The following RNF11 variants were observed in gnomAD, a reference collection of about 807,000 sequenced individuals.
RNF11 encodes ring finger protein 11.
In RNF11, 4 loss-of-function variants were observed where a neutral mutation model predicts 15.8. The observed-to-expected ratio is 0.25, with a 90% CI of 0.12 to 0.58. RNF11 has a LOEUF of 0.58. Among genes scored for constraint, RNF11 ranks in the 20% least tolerant of loss-of-function variants. RNF11 has a pLI of 0.91. For synonymous variants in RNF11, 68 were observed against 72.3 expected (o/e 0.94, Z 0.30); for missense variants, 139 against 194.4 (o/e 0.71, Z 1.70).
chr1:51,240,885 T>A (rs1014502364), intron 1 of RNF11, among the ~76,000 whole-genome samples: 2 of 152,182 alleles, frequency 1.3e-5, no homozygotes, highest in Non-Finnish European at 2.9e-5. Flanking sequence ...TAGAGTGCAG[T>A]GGTGTCATCT....
intron 1 of RNF11, among the ~76,000 whole-genome samples, chr1:51,241,650 G>A (rs1393857182): frequency 6.6e-6 from 1 of 152,174 alleles, no homozygotes; most frequent in African/African-American, 2.4e-5. Context: ...AAGAGATTTA[G>A]GGTGTTTGTC....
At chr1:51,256,702 C>T (rs1220804109) in intron 1 of RNF11, among the ~76,000 whole-genome samples, 1 of 152,064 alleles carries the variant, frequency 6.6e-6, no homozygotes, top group Non-Finnish European at 1.5e-5. Flanking sequence ...GAGATGGAGT[C>T]TCGCTGTCAC....
intron 1 of RNF11, among the ~76,000 whole-genome samples, chr1:51,266,880 T>C (rs1160549068): frequency 6.6e-6 from 1 of 152,252 alleles, no homozygotes; most frequent in Non-Finnish European, 1.5e-5. Flanking sequence ...GAGTCCCAAC[T>C]GTGTGCCAGA....
intron 1 of RNF11, chr1:51,250,550 T>G: frequency 3.9e-6 from 1 of 257,656 alleles, no homozygotes; most frequent in South Asian, 6.7e-5. Flanking sequence ...TTTGTGACAA[T>G]TTTTTTTTTT....
chr1:51,257,145 C>T (rs72898403), intron 1 of RNF11, among the ~76,000 whole-genome samples: 3,198 of 152,224 alleles, frequency 0.021, 94 homozygotes, highest in African/African-American at 0.065. Flanking sequence ...CTCCCACCCA[C>T]CTTATCTGGG....
intron 1 of RNF11, among the ~76,000 whole-genome samples, chr1:51,256,859 A>G (rs1421995393): frequency 6.6e-6 from 1 of 152,064 alleles, no homozygotes; most frequent in Non-Finnish European, 1.5e-5. Flanking sequence ...TTTTTAGTAG[A>G]GACGGGGTTT....
chr1:51,260,822 G>C (rs926181526), intron 1 of RNF11, among the ~76,000 whole-genome samples: 4 of 152,170 alleles, frequency 2.6e-5, no homozygotes, highest in African/African-American at 9.7e-5. Context: ...ACTCCCAATA[G>C]AGAGATCCCA....
chr1:51,253,381 G>A (rs971610007), intron 1 of RNF11, among the ~76,000 whole-genome samples: 2 of 151,912 alleles, frequency 1.3e-5, no homozygotes, highest in Admixed American at 1.3e-4. Flanking sequence ...AAAAAAGTTA[G>A]GTGTGGTGGC....
Position 51,236,753 on chromosome 1 carries a change from G to A in RNF11, c.-4G>A. 6.2e-7 allele frequency: 1 copy of A among 1,613,070 alleles called. No individual in the cohort carries two copies. Among genetic ancestry groups the A allele is most frequent in the South Asian group, 1.1e-5 (1 of 90,996 alleles). On this transcript the variant is annotated 5_prime_UTR_variant, in exon 1 of 3. Transcript: ENST00000242719. Reference sequence around the variant, plus strand: ...CCCCAGATCACGCACCCCAGCTCCGGAAGATGGGGAACTGCCTCAAATCCC... The same window carrying A: ...CCCCAGATCACGCACCCCAGCTCCGAAAGATGGGGAACTGCCTCAAATCCC...
In RNF11 at chr1:51,270,000, T is replaced by C. The variant is rs766522602; in HGVS notation, c.168T>C (p.Thr56=). The C allele has an allele frequency of 1.2e-6, 2 of 1,613,590 alleles. No individual in the cohort carries two copies. Among genetic ancestry groups the C allele is most frequent in the Non-Finnish European group, 1.7e-6 (2 of 1,179,770 alleles). ...VPVYHPTPSQ[T]RLATQLTEEE... ...TCTACCACCCAACACCTAGCCAGAC[T>C]CGGCTAGCAACTCAGCTGACTGAAG... is the stretch of plus-strand genomic sequence containing the variant. The change falls in exon 2 of 3, where the codon ACT becomes ACC. Residue 56 remains threonine (T), a synonymous_variant. Transcript: ENST00000242719.
intron 1 of RNF11, among the ~76,000 whole-genome samples, chr1:51,261,898 C>T (rs911988442): frequency 6.6e-6 from 1 of 152,058 alleles, no homozygotes; most frequent in Non-Finnish European, 1.5e-5. Context: ...GTTGCTATGG[C>T]TCATGCCTGT....
intron 1 of RNF11, among the ~76,000 whole-genome samples, chr1:51,252,357 G>T (rs1646883775): frequency 6.6e-6 from 1 of 152,096 alleles, no homozygotes; most frequent in Non-Finnish European, 1.5e-5. Flanking sequence ...CTAGGTATAT[G>T]TCTTGGGAAG....
chr1:51,258,803 T>G (rs1004360479), intron 1 of RNF11, among the ~76,000 whole-genome samples: 2 of 152,202 alleles, frequency 1.3e-5, no homozygotes, highest in African/African-American at 4.8e-5. Context: ...TGTCTAACGT[T>G]TCTCTCTTGA....
chr1:51,241,854 A>G (rs1450442328), intron 1 of RNF11, among the ~76,000 whole-genome samples: 1 of 152,224 alleles, frequency 6.6e-6, no homozygotes, highest in East Asian at 1.9e-4. Flanking sequence ...CCCAGCCCTG[A>G]AAGGCATATG....
chr1:51,254,964 T>G (rs182216171), intron 1 of RNF11, among the ~76,000 whole-genome samples: 57 of 152,350 alleles, frequency 3.7e-4, no homozygotes, highest in South Asian at 1.2e-3. Context: ...TCCAATTTTC[T>G]TTTCATTATA....
At chr1:51,256,423 A>G (rs1646904713) in intron 1 of RNF11, among the ~76,000 whole-genome samples, 1 of 152,218 alleles carries the variant, frequency 6.6e-6, no homozygotes, top group Non-Finnish European at 1.5e-5. Context: ...GCTGAATAAC[A>G]TTCCATTTGC....
At chr1:51,238,160 G>C (rs886769740) in intron 1 of RNF11, among the ~76,000 whole-genome samples, 2 of 152,014 alleles carry the variant, frequency 1.3e-5, no homozygotes, top group Non-Finnish European at 2.9e-5. Context: ...GGAGCCCTTC[G>C]CCCGGGTCAG....
chr1:51,267,760 T>G (rs996704709), intron 1 of RNF11, among the ~76,000 whole-genome samples: 6 of 152,206 alleles, frequency 3.9e-5, no homozygotes, highest in African/African-American at 1.4e-4. Context: ...AGATGGAGTC[T>G]CTCTCTGTTG....
At position 51,236,653 on chromosome 1, in the gene RNF11, CT is replaced by C. The variant is rs1646804224; in HGVS notation, c.-103del. 6.6e-7 allele frequency: 1 copy of C among 1,506,098 alleles called. No individual in the cohort carries two copies. Among genetic ancestry groups the C allele is most frequent in the Admixed American group, 1.8e-5 (1 of 56,406 alleles). 93.3% of individuals were successfully genotyped at this position (1,506,098 alleles called of 1,614,324 possible). ...GAGTCGCCTCCGCCTGATCCCCGGC[CT>C]GTCGCCCGACCCCACCTCGCCAACC... On this transcript the variant is annotated 5_prime_UTR_variant, in exon 1 of 3. Coordinates refer to ENST00000242719, the MANE Select transcript of RNF11 (RefSeq NM_014372.5).
Sources: gnomAD v4.1 joint callset for allele counts (sites outside exome capture counted in the v4.1 genomes callset) on GRCh38, gnomAD v4.1.1 for gene constraint, MANE v1.5 for transcripts, NCBI Gene and HGNC (gene_info 2026-07-23, HGNC 2026-07-21) for gene names.